The following NLGN1 variants were observed in gnomAD, a reference collection of about 807,000 sequenced individuals.
The protein encoded by NLGN1 is neuroligin-1.
A neutral mutation model predicts 65.5 loss-of-function variants in NLGN1; 12 were observed. The observed-to-expected ratio is 0.18, with a 90% confidence interval of 0.12 to 0.30. The LOEUF (loss-of-function observed/expected upper bound fraction) is 0.30. NLGN1 is among the 10% of genes least tolerant of loss of function. The probability of loss-of-function intolerance (pLI) is 1.00; values close to 1 mark genes in which losing one functional copy is unlikely to be tolerated. For synonymous variants in NLGN1, 350 were observed against 359.5 expected (o/e 0.97, Z 0.30); for missense variants, 750 against 1,007.1 (o/e 0.74, Z 3.46).
At chr3:174,253,816 G>A (rs1745184502) in intron 4 of NLGN1, among the ~76,000 whole-genome samples, 1 of 152,096 alleles carries the variant, frequency 6.6e-6, no homozygotes, top group African/African-American at 2.4e-5. Context: ...CATATTAGCT[G>A]CTGTAGTAAT....
At chr3:174,032,593 A>T (rs2152475378) in intron 4 of NLGN1, among the ~76,000 whole-genome samples, 1 of 152,212 alleles carries the variant, frequency 6.6e-6, no homozygotes, top group Non-Finnish European at 1.5e-5. Flanking sequence ...CTACTGTGAG[A>T]GTGAGAAAAT....
chr3:174,115,581 GGAGATAACT>G (rs911203243), intron 4 of NLGN1, among the ~76,000 whole-genome samples: 4 of 152,164 alleles, frequency 2.6e-5, no homozygotes, highest in African/African-American at 9.7e-5. Context: ...TTGGGGTCAT[GGAGATAACT>G]TTGGAATCCC....
chr3:173,643,040 A>G (rs1009292565), intron 3 of NLGN1, among the ~76,000 whole-genome samples: 5 of 152,338 alleles, frequency 3.3e-5, no homozygotes, highest in South Asian at 4.1e-4. Context: ...AAGATGAAAA[A>G]TACATTGAAT....
intron 4 of NLGN1, among the ~76,000 whole-genome samples, chr3:174,101,892 G>C (rs534025927): frequency 6.6e-6 from 1 of 152,244 alleles, no homozygotes; most frequent in East Asian, 1.9e-4. Context: ...AAACAGTGAA[G>C]AAATTACCCT....
intron 3 of NLGN1, among the ~76,000 whole-genome samples, chr3:173,631,607 A>G (rs1159377044): frequency 6.6e-6 from 1 of 152,200 alleles, no homozygotes; most frequent in South Asian, 2.1e-4. Context: ...AAAGTATAAC[A>G]TCATTTGGCA....
intron 1 of NLGN1, among the ~76,000 whole-genome samples, chr3:173,420,065 C>T (rs1714718777): frequency 6.8e-6 from 1 of 147,020 alleles, no homozygotes. Flanking sequence ...GATCTTTTTT[C>T]TTTTTTTTTT....
chr3:173,497,392 ATAAAT>A, intron 2 of NLGN1, among the ~76,000 whole-genome samples: 1 of 145,966 alleles, frequency 6.9e-6, no homozygotes. Context: ...CCATCTCAAA[ATAAAT>A]AAATAAATAA....
At chr3:174,273,977 C>T (rs1049229693) in intron 4 of NLGN1, among the ~76,000 whole-genome samples, 2 of 151,476 alleles carry the variant, frequency 1.3e-5, no homozygotes, top group East Asian at 1.9e-4. Context: ...TAATCGATGT[C>T]CTAGCTTATT....
intron 4 of NLGN1, among the ~76,000 whole-genome samples, chr3:173,856,521 G>T (rs1001562263): frequency 6.6e-6 from 1 of 152,104 alleles, no homozygotes; most frequent in African/African-American, 2.4e-5. Flanking sequence ...GTTTGTCAGA[G>T]GTTGAAAAGT....
chr3:174,136,189 A>G (rs956874629), intron 4 of NLGN1, among the ~76,000 whole-genome samples: 2 of 152,188 alleles, frequency 1.3e-5, no homozygotes, highest in Admixed American at 6.5e-5. Flanking sequence ...GTAAGTTCCA[A>G]AAATACATAT....
chr3:173,601,955 C>T (rs1316034720), intron 2 of NLGN1, among the ~76,000 whole-genome samples: 3 of 151,934 alleles, frequency 2.0e-5, no homozygotes, highest in Non-Finnish European at 4.4e-5. Flanking sequence ...ATTTTAAATA[C>T]ACTAGGATCA....
intron 3 of NLGN1, chr3:173,685,610 A>G (rs1338810931): frequency 5.6e-5 from 55 of 980,732 alleles, no homozygotes; most frequent in Non-Finnish European, 6.7e-5. Context: ...TATCAGAGAT[A>G]GGCTGGAAGT....
intron 2 of NLGN1, among the ~76,000 whole-genome samples, chr3:173,539,387 TAAA>T (rs1179167804): frequency 7.2e-6 from 1 of 138,490 alleles, no homozygotes; most frequent in African/African-American, 3.1e-5. Context: ...TGTATATATA[TAAA>T]AAACATATAT....
intron 4 of NLGN1, among the ~76,000 whole-genome samples, chr3:174,222,528 T>C (rs1440461302): frequency 6.6e-6 from 1 of 152,170 alleles, no homozygotes; most frequent in African/African-American, 2.4e-5. Context: ...AATCAAATCA[T>C]CTCTTATTTC....
At chr3:173,717,076 C>G (rs1436458758) in intron 3 of NLGN1, among the ~76,000 whole-genome samples, 3 of 152,096 alleles carry the variant, frequency 2.0e-5, no homozygotes, top group Non-Finnish European at 4.4e-5. Flanking sequence ...CTTTTAAGCC[C>G]ATCCTTGCAC....
intron 3 of NLGN1, chr3:173,800,291 A>G (rs1275400232): frequency 8.6e-7 from 1 of 1,164,874 alleles, no homozygotes; most frequent in South Asian, 1.5e-5. Context: ...TCTCAATCCT[A>G]GGTCCCCTTA....
intron 4 of NLGN1, among the ~76,000 whole-genome samples, chr3:174,250,141 C>T (rs941439999): frequency 4.6e-5 from 7 of 152,072 alleles, no homozygotes; most frequent in Non-Finnish European, 8.8e-5. Flanking sequence ...TTAAGTATTA[C>T]TCTGTCATTA....
intron 3 of NLGN1, among the ~76,000 whole-genome samples, chr3:173,608,531 G>A (rs891871243): frequency 2.6e-5 from 4 of 151,290 alleles, no homozygotes; most frequent in African/African-American, 9.7e-5. Flanking sequence ...TACTCTGTCT[G>A]TTTTTTAATT....
At chr3:173,761,937 T>C (rs1214902797) in intron 3 of NLGN1, among the ~76,000 whole-genome samples, 1 of 152,114 alleles carries the variant, frequency 6.6e-6, no homozygotes, top group African/African-American at 2.4e-5. Context: ...GACAGAATTC[T>C]AGTTCTCAGA....
Sources: gnomAD v4.1 joint callset for allele counts (sites outside exome capture counted in the v4.1 genomes callset) on GRCh38, gnomAD v4.1.1 for gene constraint, MANE v1.5 for transcripts, NCBI Gene and HGNC (gene_info 2026-07-23, HGNC 2026-07-21) for gene names.